The following COL9A1 variants were observed in gnomAD, a reference collection of about 807,000 sequenced individuals.
COL9A1 encodes the protein collagen alpha-1(IX) chain.
In COL9A1, 104 loss-of-function variants were observed where a neutral mutation model predicts 142.6. That is an observed-to-expected ratio of 0.73 (90% CI 0.62 to 0.86). The LOEUF is 0.86. Ranked by LOEUF, COL9A1 falls within the 40% of genes least tolerant of loss-of-function variation. COL9A1 has a pLI of 0.00. For synonymous variants in COL9A1, 466 were observed against 396.0 expected (o/e 1.18, Z -2.10); for missense variants, 1,210 against 1,176.6 (o/e 1.03, Z -0.42).
rs142579851 is a variant in COL9A1 at position 70,270,319 on chromosome 6, G to C, written c.1192C>G (p.Pro398Ala). 3 of 1,613,674 alleles carry C rather than the reference G, an allele frequency of 1.9e-6. No individual in the cohort carries two copies. The South Asian group carries it at 3.3e-5, about 18-fold the overall frequency. ...GPPGPPGPPG[P>A]RGTIGFHDGD... ...TCAAGCTGCAAATAACTTACTCTGG[G>C]TCCTGGGGGGCCAGGGGGGCCAGGT... Residue 398 changes from proline (P) to alanine (A), a missense_variant, in exon 15 of 38, where the codon CCC becomes GCC. Coordinates refer to ENST00000357250, the MANE Select transcript of COL9A1 (RefSeq NM_001851.6).
intron 33 of COL9A1, among the ~76,000 whole-genome samples, chr6:70,236,953 C>T (rs754414599): frequency 2.6e-5 from 4 of 152,120 alleles, no homozygotes; most frequent in Non-Finnish European, 5.9e-5. Context: ...TCCAGAGTAG[C>T]TAGGATTACA....
At chr6:70,286,638 A>C (rs1244413752) in intron 5 of COL9A1, among the ~76,000 whole-genome samples, 1 of 152,240 alleles carries the variant, frequency 6.6e-6, no homozygotes, top group Admixed American at 6.5e-5. Flanking sequence ...CTTTCCTTTC[A>C]GTTTATGACC....
intron 10 of COL9A1, chr6:70,280,581 G>T: frequency 7.2e-7 from 1 of 1,387,862 alleles, no homozygotes. Context: ...TGTTTTCTAG[G>T]AGGAGGAAAT....
chr6:70,218,286 G>A (rs890564862), intron 37 of COL9A1, among the ~76,000 whole-genome samples: 11 of 152,122 alleles, frequency 7.2e-5, no homozygotes, highest in Admixed American at 1.3e-4. Context: ...TCTCATGAAG[G>A]GCTGACCCCA....
At chr6:70,260,908 T>G (rs113982051) in intron 19 of COL9A1, 198 bp from the exon 20 acceptor site, 9 of 518,930 alleles carry the variant, frequency 1.7e-5, no homozygotes, top group African/African-American at 1.3e-4. Flanking sequence ...AACCTTTTTA[T>G]AAAATTCTGA....
intron 10 of COL9A1, chr6:70,280,273 T>G: frequency 8.0e-7 from 1 of 1,244,752 alleles, no homozygotes. Context: ...ATTTCTAAAT[T>G]CCCCGCACAT....
rs1031393703 is a variant in COL9A1 at position 70,239,289 on chromosome 6, A to G, written c.2080-3T>C. On this transcript the variant is annotated splice_polypyrimidine_tract_variant and splice_region_variant and intron_variant, in intron 32 of 37. Transcript: ENST00000357250. ...GGGCCAGGTAATCCTATATCTCCCTAAATCAATAAAAGAAATTTATGTTAG... is the reference window on the plus strand; with the variant it reads ...GGGCCAGGTAATCCTATATCTCCCTGAATCAATAAAAGAAATTTATGTTAG... 6.5e-7 allele frequency: 1 copy of G among 1,540,102 alleles called. No individual in the cohort carries two copies. Among genetic ancestry groups the G allele is most frequent in the Non-Finnish European group, 9.0e-7 (1 of 1,113,182 alleles).
At position 70,282,834 on chromosome 6, in the gene COL9A1, G is replaced by A. The variant is rs375704021; in HGVS notation, c.801+64C>T. The A allele has an allele frequency of 3.1e-6, 5 of 1,611,976 alleles. No homozygotes were observed. The African/African-American group carries it at 6.7e-5, about 22-fold the overall frequency. On this transcript the variant is annotated intron_variant, in intron 7 of 37. Transcript: ENST00000357250. ...CGCCTTTCTCACAGCTCCCTCGACC[G>A]CTGCGCCCCGACCTGTCCTCGTGTG...
chr6:70,260,567 G>C (rs1213273300), intron 20 of COL9A1, 90 bp downstream of exon 20: 2 of 893,790 alleles, frequency 2.2e-6, no homozygotes, highest in Non-Finnish European at 3.3e-6. Context: ...AAAAAAAAAA[G>C]TTGTTGAAGA....
At chr6:70,219,460 G>A (rs1462735192) in intron 37 of COL9A1, among the ~76,000 whole-genome samples, 1 of 152,216 alleles carries the variant, frequency 6.6e-6, no homozygotes, top group Non-Finnish European at 1.5e-5. Context: ...GCTGCAATAT[G>A]GTGCCCATAG....
intron 6 of COL9A1, chr6:70,283,340 G>C: frequency 9.5e-7 from 1 of 1,050,038 alleles, no homozygotes; most frequent in African/African-American, 1.6e-5. Context: ...CGAGGACTGA[G>C]CACGCAGCTC....
At chr6:70,234,631 AAC>A (rs1562292604) in intron 34 of COL9A1, 38 bp from the exon 35 acceptor site, 1 of 1,612,754 alleles carries the variant, frequency 6.2e-7, no homozygotes. Context: ...TTATGCATGA[AAC>A]CATAAAGAGA....
intron 10 of COL9A1, chr6:70,279,648 CAAAA>C (rs57993118): frequency 0.14 from 8,128 of 58,370 alleles, 603 homozygotes; most frequent in African/African-American, 0.33. Flanking sequence ...AACTTCGTCT[CAAAA>C]AAAAAAAAAA....
At chr6:70,262,272 T>G (rs1327829331) in intron 19 of COL9A1, among the ~76,000 whole-genome samples, 1 of 152,120 alleles carries the variant, frequency 6.6e-6, no homozygotes, top group Non-Finnish European at 1.5e-5. Context: ...GAGGGCAAAC[T>G]TCTGAAATAA....
rs761256681 is a variant in COL9A1, at chr6:70,283,745, T to TG, written c.771dup (p.Arg258GlnfsTer16). ...GTAGTCAGGGGACTCACCGTTATTC[T>TG]GGCTGGCAGCTCATGGCAAGTTTCT... On this transcript the variant is annotated frameshift_variant, in exon 6 of 38. Transcript: ENST00000357250. LOFTEE classifies it high-confidence loss of function. 5.6e-6 allele frequency: 9 copies of TG among 1,611,272 alleles called. No homozygotes were observed. Among genetic ancestry groups the TG allele is most frequent in the Middle Eastern group, 3.3e-4 (2 of 6,058 alleles).
chr6:70,281,348 G>A (rs1259790032), intron 8 of COL9A1, 42 bp downstream of exon 8: 4 of 1,586,260 alleles, frequency 2.5e-6, no homozygotes, highest in Admixed American at 3.3e-5. Context: ...ATAGGAAAGG[G>A]CAGGACTGGG....
intron 7 of COL9A1, 30 bp from the exon 8 acceptor site, chr6:70,281,494 G>T: frequency 6.3e-7 from 1 of 1,583,102 alleles, no homozygotes; most frequent in East Asian, 2.3e-5. Context: ...TAGGTTAGTG[G>T]AGCACATCGG....
chr6:70,281,553 G>T, intron 7 of COL9A1, 89 bp from the exon 8 acceptor site: 2 of 1,014,978 alleles, frequency 2.0e-6, no homozygotes, highest in East Asian at 2.6e-5. Context: ...CGCCTCCGTG[G>T]GGTAAAAGTT....
At chr6:70,219,553 ACT>A (rs1274138696) in intron 37 of COL9A1, among the ~76,000 whole-genome samples, 1 of 152,202 alleles carries the variant, frequency 6.6e-6, no homozygotes, top group Non-Finnish European at 1.5e-5. Context: ...AAATTCCCCC[ACT>A]GTTTTTACCA....
Sources: gnomAD v4.1 joint callset for allele counts (sites outside exome capture counted in the v4.1 genomes callset) on GRCh38, gnomAD v4.1.1 for gene constraint, MANE v1.5 for transcripts, NCBI Gene and HGNC (gene_info 2026-07-23, HGNC 2026-07-21) for gene names.